CDHR2: variants seen among roughly 807,000 people sequenced by gnomAD.
The protein encoded by CDHR2 is cadherin related family member 2, also known as cadherin-related family member 2.
In CDHR2, 104 loss-of-function variants were observed where a neutral mutation model predicts 138.6. The ratio of observed to expected loss-of-function variants is 0.75; its 90% CI spans 0.64 to 0.88. The LOEUF (loss-of-function observed/expected upper bound fraction) is 0.88, where lower values mean the gene tolerates loss of function less well. Ranked by LOEUF, CDHR2 falls within the 40% of genes least tolerant of loss-of-function variation. The probability of loss-of-function intolerance (pLI) is 0.00; values close to 1 mark genes in which losing one functional copy is unlikely to be tolerated. For missense variants in CDHR2, 1,624 were observed against 1,727.6 expected (o/e 0.94, Z 1.06); for synonymous variants, 755 against 742.8 (o/e 1.02, Z -0.27).
In CDHR2 at chr5:176,574,193, G is replaced by A. The variant is rs1318809178; in HGVS notation, c.495+21G>A. 22 of 1,575,080 alleles carry A rather than the reference G, an allele frequency of 1.4e-5. No individual in the cohort carries two copies. In the South Asian group the frequency reaches 2.4e-4, roughly 17 times the overall value. The stretch of plus-strand genomic sequence containing the variant: ...AGAAGGTGAGTGTGAAGGGGGCCCT[G>A]ACCGCCTTTGTGACCGCCAGGGGGC... On this transcript the variant is annotated intron_variant, in intron 7 of 31. Coordinates refer to ENST00000261944, the MANE Select transcript of CDHR2 (RefSeq NM_017675.6).
chr5:176,550,549 C>G (rs1757682876), intron 1 of CDHR2, among the ~76,000 whole-genome samples: 1 of 152,242 alleles, frequency 6.6e-6, no homozygotes, highest in Non-Finnish European at 1.5e-5. Context: ...CTGCCCCTGG[C>G]TCACCCATCT....
chr5:176,569,883 C>T, intron 5 of CDHR2, among the ~76,000 whole-genome samples: 1 of 151,708 alleles, frequency 6.6e-6, no homozygotes, highest in Admixed American at 6.6e-5. Context: ...TCGCTTGAAC[C>T]CGGGAGGTGG....
intron 1 of CDHR2, among the ~76,000 whole-genome samples, chr5:176,551,668 C>T (rs1038965271): frequency 1.7e-4 from 26 of 148,988 alleles, no homozygotes; most frequent in Non-Finnish European, 8.9e-5. Context: ...TTGGTATTGG[C>T]CTGGACTGCC....
Position 176,575,822 on chromosome 5 carries a change from G to A in CDHR2, c.943G>A (p.Val315Met), listed in dbSNP as rs1228436007. ...GCAGCTGCTGGAGGCGGATGAGGAG[G>A]TGCAGCTGCAGGTCACGGTGAGCAA... is the stretch of plus-strand genomic sequence containing the variant. ...REQLLEADEE[V>M]QLQVTATETH... Residue 315 changes from valine to methionine, a missense_variant, in exon 11 of 32, where the codon GTG (valine) becomes ATG (methionine). By Grantham distance (21) the Val-to-Met change is conservative. This residue lies in a region of CDHR2 where 1,061 missense variants were observed against 1,136.6 expected (regional missense o/e 0.93). Transcript: ENST00000261944. 6.4e-7 allele frequency: 1 copy of A among 1,551,622 alleles called. No homozygotes were observed. Among genetic ancestry groups the A allele is most frequent in the Non-Finnish European group, 8.7e-7 (1 of 1,147,000 alleles).
upstream of CDHR2, among the ~76,000 whole-genome samples, chr5:176,548,829 A>G (rs916126919): frequency 1.3e-5 from 2 of 152,076 alleles, no homozygotes; most frequent in Non-Finnish European, 1.5e-5. Context: ...GAGGGTCTCA[A>G]TGCGGGGTGA....
At chr5:176,548,702 C>T (rs780012776), upstream of CDHR2, among the ~76,000 whole-genome samples, 40 of 152,034 alleles carry the variant, frequency 2.6e-4, no homozygotes, top group Non-Finnish European at 5.4e-4. Context: ...AAGATTGTGC[C>T]ACTTCACTCC....
At chr5:176,568,928 C>T (rs760910602) in intron 4 of CDHR2, 32 bp from the exon 5 acceptor site, 1 of 1,613,204 alleles carries the variant, frequency 6.2e-7, no homozygotes, top group Non-Finnish European at 8.5e-7. Flanking sequence ...AGCGGGGGCT[C>T]ACCACCGGCC....
rs1757757957 is a variant in CDHR2, at chr5:176,553,578, G to A, written c.-16+4164G>A. ...AGGACAGAACATGAGAGAAAAAAGT[G>A]AGGAGGGAGGTAGGTTCCAGGTTAC... On this transcript the variant is annotated intron_variant, in intron 1 of 31. Coordinates refer to ENST00000261944, the MANE Select transcript of CDHR2 (RefSeq NM_017675.6). The surrounding 1 kb of genome is among the most constrained non-coding windows in gnomAD (Gnocchi z 4.3). Among the ~76,000 whole-genome samples, 1 of 152,204 alleles carries A rather than the reference G, an allele frequency of 6.6e-6. No homozygotes were observed. The highest frequency in any genetic ancestry group is 6.5e-5 in the Admixed American group (1 of 15,292).
chr5:176,594,584 A>G (rs1758970776), intron 31 of CDHR2, among the ~76,000 whole-genome samples: 1 of 152,218 alleles, frequency 6.6e-6, no homozygotes, highest in Non-Finnish European at 1.5e-5. Flanking sequence ...GCACCAGGTC[A>G]TGTTATCGTG....
intron 1 of CDHR2, among the ~76,000 whole-genome samples, chr5:176,554,620 G>GT (rs1279046090): frequency 6.6e-6 from 1 of 152,154 alleles, no homozygotes; most frequent in Non-Finnish European, 1.5e-5. Context: ...TGTAAAGTGG[G>GT]TAGAATGGTA....
At chr5:176,584,043 C>T in intron 17 of CDHR2, 147 bp from the exon 18 acceptor site, 4 of 706,522 alleles carry the variant, frequency 5.7e-6, no homozygotes, top group Middle Eastern at 5.5e-4. Context: ...CCTCTCAGAG[C>T]CTGTCTCCTC....
In CDHR2 at chr5:176,575,763, G is replaced by GT; in HGVS notation, c.884_885insT (p.Val296GlyfsTer11). 6.4e-7 allele frequency: 1 copy of GT among 1,567,532 alleles called. No individual in the cohort carries two copies. The highest frequency in any genetic ancestry group is 8.7e-7 in the Non-Finnish European group (1 of 1,155,438). On this transcript the variant is annotated frameshift_variant, in exon 11 of 32. Transcript: ENST00000261944. LOFTEE classifies it high-confidence loss of function. The stretch of plus-strand genomic sequence containing the variant: ...GGCTGGTTTGACATCGGGGCAGATG[G>GT]GGTGATCAGGGTCAACGGCTCCCTG...
intron 3 of CDHR2, chr5:176,567,263 G>GCTCAAC (rs1484705251): frequency 4.4e-6 from 1 of 227,424 alleles, no homozygotes; most frequent in Admixed American, 5.2e-5. Flanking sequence ...GACCTCCTGG[G>GCTCAAC]CTCAACTGAT....
intron 1 of CDHR2, among the ~76,000 whole-genome samples, chr5:176,563,590 G>T (rs1321480384): frequency 6.6e-6 from 1 of 152,112 alleles, no homozygotes; most frequent in African/African-American, 2.4e-5. Flanking sequence ...TTATAATTTG[G>T]CATCTTATTG....
intron 1 of CDHR2, among the ~76,000 whole-genome samples, chr5:176,552,333 A>C (rs1757725149): frequency 6.6e-6 from 1 of 152,270 alleles, no homozygotes; most frequent in Admixed American, 6.5e-5. Context: ...AAAGAAAGAC[A>C]TTCTGGGCAG....
rs897424333 is a variant in CDHR2, at chr5:176,576,073, G to A, written c.1082G>A (p.Cys361Tyr). 3.1e-6 allele frequency: 5 copies of A among 1,614,114 alleles called. No individual in the cohort carries two copies. Among genetic ancestry groups the A allele is most frequent in the Non-Finnish European group, 4.2e-6 (5 of 1,180,018 alleles). The change falls in exon 12 of 32, where the codon TGC becomes TAC. Residue 361 changes from cysteine to tyrosine, a missense_variant. Around this residue, in one of 3 missense-constraint regions of CDHR2, gnomAD observed 1,061 missense variants for 1,136.6 expected, o/e 0.93. Coordinates refer to ENST00000261944, the MANE Select transcript of CDHR2 (RefSeq NM_017675.6). The surrounding 1 kb of genome is among the most constrained non-coding windows in gnomAD (Gnocchi z 4.5). ...TTTTACAACTGCAGCCTCCCAGCCTGCACCTTCACCCCCGAAGAGGCCCAA... is the reference window on the plus strand; with the variant it reads ...TTTTACAACTGCAGCCTCCCAGCCTACACCTTCACCCCCGAAGAGGCCCAA... ...PEFYNCSLPA[C>Y]TFTPEEAQVN...
At chr5:176,554,783 C>A (rs905547892) in intron 1 of CDHR2, among the ~76,000 whole-genome samples, 1 of 152,210 alleles carries the variant, frequency 6.6e-6, no homozygotes, top group Non-Finnish European at 1.5e-5. Flanking sequence ...GCCTCAGCCT[C>A]CTGAGGATTA....
chr5:176,589,519 C>G lies in CDHR2; in HGVS notation c.3118-9C>G, dbSNP rs781319290. ...CTGGTGCCTCATCTCCTGCACACCC[C>G]CTTCCCAGCTCTTCACCGTGGACCA... On this transcript the variant is annotated splice_polypyrimidine_tract_variant and intron_variant, in intron 23 of 31. Coordinates refer to ENST00000261944, the MANE Select transcript of CDHR2 (RefSeq NM_017675.6). The G allele has an allele frequency of 1.9e-6, 3 of 1,613,958 alleles. No individual in the cohort carries two copies. Among genetic ancestry groups the G allele is most frequent in the Non-Finnish European group, 2.5e-6 (3 of 1,180,016 alleles).
At chr5:176,590,198 G>A (rs1293892519) in intron 25 of CDHR2, 52 bp downstream of exon 25, 4 of 1,611,420 alleles carry the variant, frequency 2.5e-6, no homozygotes, top group Non-Finnish European at 2.5e-6. Flanking sequence ...GCGGTAGCAG[G>A]AGGGGCCTGC....
Sources: allele counts gnomAD v4.1 joint callset (sites outside exome capture counted in the v4.1 genomes callset), GRCh38; gene constraint gnomAD v4.1.1; regional missense constraint gnomAD v4.1.1; non-coding constraint Gnocchi (gnomAD v3.1); transcripts MANE v1.5; gene names NCBI Gene and HGNC (gene_info 2026-07-23, HGNC 2026-07-21).